AHRR: variants seen among roughly 807,000 people sequenced by gnomAD.
AHRR encodes ahR repressor.
AHRR carries 28 observed loss-of-function variants against 44.0 expected under a neutral mutation model. The ratio of observed to expected loss-of-function variants is 0.64; its 90% CI spans 0.47 to 0.87. AHRR has a LOEUF of 0.87. AHRR is among the 40% of genes least tolerant of loss of function. The pLI is 0.00. For missense variants in AHRR, 990 were observed against 953.9 expected (o/e 1.04, Z -0.50); for synonymous variants, 434 against 407.0 (o/e 1.07, Z -0.80).
intron 4 of AHRR, among the ~76,000 whole-genome samples, chr5:397,403 G>C (rs1375491453): frequency 3.4e-5 from 4 of 119,146 alleles, no homozygotes; most frequent in African/African-American, 1.2e-4. Context: ...GTTAGCCCCT[G>C]ACCATCCCTG....
In AHRR at chr5:435,095, A is replaced by T; in HGVS notation, c.*261A>T. On this transcript the variant is annotated 3_prime_UTR_variant, in exon 11 of 11. Transcript: ENST00000684583. The stretch of plus-strand genomic sequence containing the variant: ...CAGCATTTCTCTTTGAGGAATTAAA[A>T]TCTTTAGGAAAGTGATCATGGCTGG... 1 of 507,300 alleles carries T rather than the reference A, an allele frequency of 2.0e-6. No homozygotes were observed. Among genetic ancestry groups the T allele is most frequent in the Non-Finnish European group, 3.4e-6 (1 of 290,852 alleles). The allele number at this position is 507,300 out of a possible 1,614,324, so 31.4% of individuals were successfully genotyped here. A position where few individuals can be genotyped will look rare whatever the true frequency, so the allele number is the denominator to read the frequency against.
intron 2 of AHRR, among the ~76,000 whole-genome samples, chr5:349,300 G>A (rs1313868182): frequency 1.3e-5 from 2 of 152,194 alleles, no homozygotes; most frequent in African/African-American, 4.8e-5. Context: ...CCTTTTGGCT[G>A]GGCGCGGTGG....
Position 343,796 on chromosome 5 carries a change from G to A in AHRR, c.-10-97G>A, listed in dbSNP as rs962021638. On this transcript the variant is annotated intron_variant, in intron 1 of 10. Coordinates refer to ENST00000684583, the MANE Select transcript of AHRR (RefSeq NM_001377236.1). ...GGGGGCCTCGCGGGGTCGCGGGTGT[G>A]GGGGCGCCAGGACCGCGCTGAGGGG... 7.5e-4 allele frequency: 963 copies of A among 1,291,760 alleles called. 2 individuals are homozygous for A. Among genetic ancestry groups the A allele is most frequent in the Non-Finnish European group, 8.6e-4 (817 of 948,306 alleles). 80.0% of individuals were successfully genotyped at this position (1,291,760 alleles called of 1,614,324 possible). A position where few individuals can be genotyped will look rare whatever the true frequency, so the allele number is the denominator to read the frequency against.
chr5:365,591 T>C (rs956543049), intron 3 of AHRR, among the ~76,000 whole-genome samples: 1 of 151,926 alleles, frequency 6.6e-6, no homozygotes. Context: ...AAGAAAATAA[T>C]AGAAGATATT....
chr5:397,211 T>TGACCATCCACGTAGCCC, intron 4 of AHRR, among the ~76,000 whole-genome samples: 1 of 101,268 alleles, frequency 9.9e-6, no homozygotes, highest in African/African-American at 3.8e-5. Flanking sequence ...ACATAGCCCC[T>TGACCATCCACGTAGCCC]GACCATCCAC....
At chr5:389,744 C>T (rs912112966) in intron 4 of AHRR, among the ~76,000 whole-genome samples, 7 of 151,870 alleles carry the variant, frequency 4.6e-5, no homozygotes, top group East Asian at 1.9e-4. Flanking sequence ...CCAGGACACA[C>T]GGCACAGGCC....
intron 4 of AHRR, among the ~76,000 whole-genome samples, chr5:401,199 C>T (rs1735001627): frequency 6.6e-6 from 1 of 152,208 alleles, no homozygotes; most frequent in Non-Finnish European, 1.5e-5. Context: ...CTGTCTCTGC[C>T]TAAATCCAAG....
intron 1 of AHRR, among the ~76,000 whole-genome samples, chr5:325,358 G>A (rs542677504): frequency 1.3e-5 from 2 of 152,278 alleles, no homozygotes; most frequent in African/African-American, 4.8e-5. Flanking sequence ...TCTATGCCCG[G>A]CCCACCTTGG....
At chr5:432,559 A>G (rs767059413) in intron 9 of AHRR, 35 bp downstream of exon 9, 6 of 1,602,070 alleles carry the variant, frequency 3.7e-6, no homozygotes, top group South Asian at 1.1e-5. Context: ...TCTTTTCCAC[A>G]TGGGTAAAAT....
rs1336230614 is a variant in AHRR at position 337,193 on chromosome 5, C to CA, written c.-10-6698dup. On this transcript the variant is annotated intron_variant, in intron 1 of 10. Coordinates refer to ENST00000684583, the MANE Select transcript of AHRR (RefSeq NM_001377236.1). This position sits in a 1 kb window ranked among gnomAD's most constrained non-coding sequence, Gnocchi z 4.1. ...TCAGCTAGCATAGGTAATCAACTAT[C>CA]AATATTGGCTGATCCAGTTTCATTT... 6.6e-6 allele frequency among the ~76,000 whole-genome samples: 1 copy of CA among 152,108 alleles called. No homozygotes were observed. The highest frequency in any genetic ancestry group is 1.5e-5 in the Non-Finnish European group (1 of 68,012).
chr5:344,380 CTGTG>C (rs1178499313), intron 2 of AHRR, among the ~76,000 whole-genome samples: 2 of 140,862 alleles, frequency 1.4e-5, no homozygotes, highest in East Asian at 4.3e-4. Flanking sequence ...CTATGCGAGG[CTGTG>C]TGTCTGCGGG....
chr5:434,356 C>CT lies in AHRR; in HGVS notation c.1617dup (p.Gly540TrpfsTer3), dbSNP rs765150451. ...GTGTCCATCAAGATGGAGAAGGACT[C>CT]TGGGTGTGAGGGTGCTGCAGACGGC... On this transcript the variant is annotated frameshift_variant, in exon 11 of 11. Coordinates refer to ENST00000684583, the MANE Select transcript of AHRR (RefSeq NM_001377236.1). The CT allele has an allele frequency of 1.9e-6, 3 of 1,613,262 alleles. No individual in the cohort carries two copies. The African/African-American group carries it at 4.0e-5, about 22-fold the overall frequency.
chr5:376,079 T>C (rs1733614213), intron 3 of AHRR, among the ~76,000 whole-genome samples: 1 of 151,830 alleles, frequency 6.6e-6, no homozygotes, highest in Admixed American at 6.6e-5. Context: ...GGGGGCTGCG[T>C]GGGTTCCAGG....
chr5:336,205 AG>A (rs1315620452), intron 1 of AHRR, among the ~76,000 whole-genome samples: 6 of 152,190 alleles, frequency 3.9e-5, no homozygotes, highest in Admixed American at 3.9e-4. Flanking sequence ...ATGATTCTCC[AG>A]TGGGAAAGTG....
chr5:376,137 G>A (rs376850831), intron 3 of AHRR, among the ~76,000 whole-genome samples: 4 of 109,002 alleles, frequency 3.7e-5, no homozygotes, highest in Non-Finnish European at 1.8e-5. Context: ...CCAGGTGGAC[G>A]CAGGGGACCT....
chr5:382,808 A>G (rs1734036166), intron 4 of AHRR, among the ~76,000 whole-genome samples: 1 of 129,048 alleles, frequency 7.7e-6, no homozygotes, highest in African/African-American at 3.4e-5. Context: ...TACTTGCTCT[A>G]GTTTTAAATA....
chr5:420,981 A>G (rs1736080474), intron 5 of AHRR: 2 of 315,182 alleles, frequency 6.3e-6, no homozygotes, highest in Non-Finnish European at 1.1e-5. Context: ...AACAGCCAAA[A>G]TATACACGAT....
chr5:369,833 A>G (rs1167380446), intron 3 of AHRR, among the ~76,000 whole-genome samples: 3 of 152,258 alleles, frequency 2.0e-5, no homozygotes, highest in South Asian at 2.1e-4. Context: ...ACATATTACA[A>G]TTCATCTTCA....
At chr5:333,528 G>A (rs1160251735) in intron 1 of AHRR, among the ~76,000 whole-genome samples, 2 of 152,090 alleles carry the variant, frequency 1.3e-5, no homozygotes, top group East Asian at 1.9e-4. Context: ...CCTGGGAGGC[G>A]GAGGTTGCAG....
Sources: allele counts gnomAD v4.1 joint callset (sites outside exome capture counted in the v4.1 genomes callset), GRCh38; gene constraint gnomAD v4.1.1; non-coding constraint Gnocchi (gnomAD v3.1); transcripts MANE v1.5; gene names NCBI Gene and HGNC (gene_info 2026-07-23, HGNC 2026-07-21).